The following NRXN3 variants were observed in gnomAD, a reference collection of about 807,000 sequenced individuals.
The protein encoded by NRXN3 is neurexin III.
A neutral mutation model predicts 137.6 loss-of-function variants in NRXN3; 32 were observed. The observed-to-expected ratio is 0.23, with a 90% CI of 0.18 to 0.31. The LOEUF (loss-of-function observed/expected upper bound fraction) is 0.31. Ranked by LOEUF, NRXN3 falls within the 10% of genes least tolerant of loss-of-function variation. The pLI is 1.00. For synonymous variants in NRXN3, 798 were observed against 784.5 expected (o/e 1.02, Z -0.29); for missense variants, 1,574 against 2,062.5 (o/e 0.76, Z 4.59).
intron 15 of NRXN3, among the ~76,000 whole-genome samples, chr14:79,129,868 TG>T (rs1454267287): frequency 3.6e-5 from 5 of 137,694 alleles, no homozygotes; most frequent in Non-Finnish European, 6.3e-5. Flanking sequence ...GCTCCTGTAT[TG>T]GGTGCATATA....
chr14:78,385,241 C>T (rs779123619), intron 4 of NRXN3, among the ~76,000 whole-genome samples: 5 of 151,004 alleles, frequency 3.3e-5, no homozygotes, highest in Non-Finnish European at 7.4e-5. Context: ...GGGCTATGGG[C>T]AATTTTGAAT....
chr14:78,620,388 T>A (rs904277674), intron 4 of NRXN3, among the ~76,000 whole-genome samples: 1 of 152,210 alleles, frequency 6.6e-6, no homozygotes, highest in African/African-American at 2.4e-5. Context: ...GTACTGTTTC[T>A]GATTTATTCC....
At chr14:78,685,856 T>C (rs567127395) in intron 6 of NRXN3, among the ~76,000 whole-genome samples, 7 of 151,088 alleles carry the variant, frequency 4.6e-5, no homozygotes, top group Non-Finnish European at 8.8e-5. Flanking sequence ...TTTCACAGTG[T>C]TAGGCTGATC....
At chr14:78,348,651 G>T (rs1002963045) in intron 4 of NRXN3, among the ~76,000 whole-genome samples, 4 of 152,144 alleles carry the variant, frequency 2.6e-5, no homozygotes, top group African/African-American at 9.7e-5. Flanking sequence ...TGTGGTCCCC[G>T]GACCAACAGC....
chr14:79,155,903 GTCA>G (rs1395755820), intron 15 of NRXN3, among the ~76,000 whole-genome samples: 1 of 151,704 alleles, frequency 6.6e-6, no homozygotes, highest in Non-Finnish European at 1.5e-5. Flanking sequence ...AAACATTGGG[GTCA>G]TCATCTATTT....
At chr14:79,162,253 T>C (rs2060855142) in intron 15 of NRXN3, among the ~76,000 whole-genome samples, 1 of 150,974 alleles carries the variant, frequency 6.6e-6, no homozygotes, top group East Asian at 2.0e-4. Context: ...TAACTCGTCA[T>C]CTAGCATTAG....
chr14:78,308,456 A>G (rs890611760), intron 4 of NRXN3, among the ~76,000 whole-genome samples: 14 of 152,222 alleles, frequency 9.2e-5, no homozygotes, highest in African/African-American at 3.1e-4. Flanking sequence ...AAACCCTGCA[A>G]AGCCTGCTTT....
At chr14:79,224,486 G>A (rs780728544) in intron 15 of NRXN3, among the ~76,000 whole-genome samples, 1 of 152,070 alleles carries the variant, frequency 6.6e-6, no homozygotes, top group Non-Finnish European at 1.5e-5. Flanking sequence ...CACTTCACAG[G>A]GAAGCATTGA....
chr14:78,807,895 CTT>C (rs918467007), intron 9 of NRXN3, among the ~76,000 whole-genome samples: 1 of 151,870 alleles, frequency 6.6e-6, no homozygotes, highest in African/African-American at 2.4e-5. Context: ...CTTAGGCAGA[CTT>C]TTTTCAAGCA....
chr14:78,624,075 A>C (rs2097431410), intron 4 of NRXN3, among the ~76,000 whole-genome samples: 1 of 152,160 alleles, frequency 6.6e-6, no homozygotes, highest in Non-Finnish European at 1.5e-5. Context: ...CCAATGTAGG[A>C]TTTTCTATGG....
intron 4 of NRXN3, among the ~76,000 whole-genome samples, chr14:78,584,590 T>C (rs1416029238): frequency 6.6e-6 from 1 of 152,258 alleles, no homozygotes; most frequent in Non-Finnish European, 1.5e-5. Context: ...TCAAATGGCA[T>C]GGTCTCTCAT....
At chr14:78,899,301 C>T (rs1275275344) in intron 10 of NRXN3, among the ~76,000 whole-genome samples, 2 of 151,990 alleles carry the variant, frequency 1.3e-5, no homozygotes, top group Non-Finnish European at 2.9e-5. Flanking sequence ...GAATCTATCA[C>T]ATATGATTGG....
intron 6 of NRXN3, among the ~76,000 whole-genome samples, chr14:78,690,477 T>C (rs142030236): frequency 0.012 from 1,824 of 152,350 alleles, 23 homozygotes; most frequent in South Asian, 0.021. Flanking sequence ...TGTACACATA[T>C]GTTTACATGT....
intron 4 of NRXN3, among the ~76,000 whole-genome samples, chr14:78,466,906 G>C (rs910188245): frequency 6.6e-6 from 1 of 152,074 alleles, no homozygotes; most frequent in African/African-American, 2.4e-5. Flanking sequence ...AATAATACCT[G>C]GTGATGAAAT....
chr14:79,342,622 C>T (rs754583153), intron 15 of NRXN3, among the ~76,000 whole-genome samples: 34 of 151,984 alleles, frequency 2.2e-4, no homozygotes, highest in Non-Finnish European at 4.4e-4. Flanking sequence ...ATTTATTTTC[C>T]CAGGGGAACC....
chr14:79,230,409 C>T lies in NRXN3; in HGVS notation c.3263-236812C>T, dbSNP rs540661036. Among the ~76,000 whole-genome samples the T allele has an allele frequency of 5.9e-5, 9 of 152,240 alleles. No individual in the cohort carries two copies. In the East Asian group the frequency reaches 1.6e-3, roughly 26 times the overall value. ...TAGCACAACATCAGCATCTTACCTA[C>T]ATAAACTGAAGATTCCTCAAGAATG... is the stretch of plus-strand genomic sequence containing the variant. On this transcript the variant is annotated intron_variant, in intron 15 of 20. Coordinates refer to ENST00000335750, the MANE Select transcript of NRXN3 (RefSeq NM_001330195.2).
intron 4 of NRXN3, among the ~76,000 whole-genome samples, chr14:78,343,046 A>G (rs988957639): frequency 6.6e-6 from 1 of 152,178 alleles, no homozygotes; most frequent in Non-Finnish European, 1.5e-5. Flanking sequence ...GGGAACTGTT[A>G]GAAAAGCAAA....
intron 4 of NRXN3, among the ~76,000 whole-genome samples, chr14:78,518,385 G>A (rs1434125324): frequency 1.3e-5 from 2 of 152,066 alleles, no homozygotes; most frequent in African/African-American, 4.8e-5. Flanking sequence ...TTCTCTCTAG[G>A]TGGGGATCTA....
At chr14:79,316,046 A>G (rs768473083) in intron 15 of NRXN3, among the ~76,000 whole-genome samples, 1 of 152,224 alleles carries the variant, frequency 6.6e-6, no homozygotes, top group Non-Finnish European at 1.5e-5. Flanking sequence ...GTAAATCGCT[A>G]GCCTTACTTA....
Sources: gnomAD v4.1 joint callset for allele counts (sites outside exome capture counted in the v4.1 genomes callset) on GRCh38, gnomAD v4.1.1 for gene constraint, MANE v1.5 for transcripts, NCBI Gene and HGNC (gene_info 2026-07-23, HGNC 2026-07-21) for gene names.